CSMD1: variants seen among roughly 807,000 people sequenced by gnomAD.
CSMD1 encodes the protein CUB and Sushi multiple domains 1, also known as CUB and sushi domain-containing protein 1.
CSMD1 carries 213 observed loss-of-function variants against 417.5 expected under a neutral mutation model. That is an observed-to-expected ratio of 0.51 (90% CI 0.46 to 0.57). The LOEUF (loss-of-function observed/expected upper bound fraction) is 0.57. Ranked by LOEUF, CSMD1 falls within the 20% of genes least tolerant of loss-of-function variation. The pLI is 0.00. For missense variants in CSMD1, 6,923 were observed against 4,529.7 expected, an observed-to-expected ratio of 1.53 and a Z score of -15.17; for synonymous variants, 2,862 against 1,736.8, an observed-to-expected ratio of 1.65 and a Z score of -16.11.
In CSMD1 at chr8:3,715,606, A is replaced by T. The variant is rs897380167; in HGVS notation, c.932-7115T>A. Among the ~76,000 whole-genome samples the T allele has an allele frequency of 2.0e-5, 3 of 152,232 alleles. 1 individual carries two copies. Among genetic ancestry groups the T allele is most frequent in the Middle Eastern group, 6.8e-3 (2 of 294 alleles). ...CATCCACGCTGGAGTGCAGTGACAC[A>T]ATCTGGACTCACTGCAACCTCCACC... is the stretch of plus-strand genomic sequence containing the variant. On this transcript the variant is annotated intron_variant, in intron 6 of 69. Coordinates refer to ENST00000635120, the MANE Select transcript of CSMD1 (RefSeq NM_033225.6).
Position 4,840,099 on chromosome 8 carries a change from C to T in CSMD1, c.85+154233G>A, listed in dbSNP as rs2116770575. ...TAGGCTTGGGAAGAGCCTACCTGTC[C>T]ACTCACTTAGACTCCACGGAGGCAC... is the stretch of plus-strand genomic sequence containing the variant. On this transcript the variant is annotated intron_variant, in intron 1 of 69. Coordinates refer to ENST00000635120, the MANE Select transcript of CSMD1 (RefSeq NM_033225.6). 6.1e-5 allele frequency among the ~76,000 whole-genome samples: 3 copies of T among 49,136 alleles called. No homozygotes were observed. In the South Asian group the frequency reaches 2.5e-3, roughly 41 times the overall value. 32.2% of individuals were successfully genotyped at this position (49,136 alleles called of 152,430 possible).
chr8:3,989,658 G>C (rs1446833130), intron 5 of CSMD1, among the ~76,000 whole-genome samples: 1 of 152,140 alleles, frequency 6.6e-6, no homozygotes, highest in Non-Finnish European at 1.5e-5. Context: ...TGATGTATAT[G>C]TTTATTAAGA....
chr8:4,402,275 A>T (rs997480223), intron 3 of CSMD1, among the ~76,000 whole-genome samples: 1 of 151,922 alleles, frequency 6.6e-6, no homozygotes, highest in African/African-American at 2.4e-5. Flanking sequence ...TCCAATTATC[A>T]TTCCCCACGG....
chr8:3,845,583 A>T, intron 5 of CSMD1, among the ~76,000 whole-genome samples: 1 of 152,146 alleles, frequency 6.6e-6, no homozygotes, highest in East Asian at 1.9e-4. Flanking sequence ...AAGGCCTAGG[A>T]CATCTCAGTA....
chr8:3,461,414 C>T lies in CSMD1; in HGVS notation c.1561+7298G>A, dbSNP rs533577468. Among the ~76,000 whole-genome samples, 4 of 152,326 alleles carry T rather than the reference C, an allele frequency of 2.6e-5. No homozygotes were observed. The South Asian group carries it at 8.3e-4, about 32-fold the overall frequency. ...TCACCCTAAATCCACGGCCATAATG[C>T]TGTGTCAGTCCCCAGAGGCTGGAAT... On this transcript the variant is annotated intron_variant, in intron 12 of 69. Coordinates refer to ENST00000635120, the MANE Select transcript of CSMD1 (RefSeq NM_033225.6).
intron 57 of CSMD1, 47 bp downstream of exon 57, chr8:2,973,070 T>C (rs1294868276): frequency 6.4e-7 from 1 of 1,574,588 alleles, no homozygotes; most frequent in South Asian, 1.1e-5. Flanking sequence ...GAACGAGCTG[T>C]GTGGTTTTAA....
chr8:3,561,608 C>A (rs1007434788), intron 10 of CSMD1, among the ~76,000 whole-genome samples: 2 of 152,096 alleles, frequency 1.3e-5, no homozygotes, highest in Admixed American at 6.5e-5. Context: ...ACAACAGACA[C>A]TGGTCACTCC....
At chr8:3,845,246 T>C (rs1374029898) in intron 5 of CSMD1, among the ~76,000 whole-genome samples, 2 of 152,162 alleles carry the variant, frequency 1.3e-5, no homozygotes, top group Admixed American at 6.5e-5. Context: ...GAGAAACACA[T>C]AGTTTGCTGA....
chr8:4,140,951 C>A (rs148767633), intron 3 of CSMD1, among the ~76,000 whole-genome samples: 1 of 151,108 alleles, frequency 6.6e-6, no homozygotes, highest in Non-Finnish European at 1.5e-5. Context: ...AACAAAAAGT[C>A]CTCGTATCTC....
rs137979783 is a variant in CSMD1 at position 4,202,778 on chromosome 8, G to C, written c.416-170679C>G. ...GAGAAAATGATAGTGATAGAACAGA[G>C]AATAAAACTGAGGATTCAAACGTCA... On this transcript the variant is annotated intron_variant, in intron 3 of 69. Coordinates refer to ENST00000635120, the MANE Select transcript of CSMD1 (RefSeq NM_033225.6). 4.3e-4 allele frequency among the ~76,000 whole-genome samples: 65 copies of C among 152,280 alleles called. No homozygotes were observed. The East Asian group carries it at 6.8e-3, about 16-fold the overall frequency.
chr8:4,503,151 G>T (rs978142294), intron 2 of CSMD1, among the ~76,000 whole-genome samples: 48 of 152,274 alleles, frequency 3.2e-4, no homozygotes, highest in African/African-American at 9.1e-4. Context: ...TACGTGAAGT[G>T]TGCTTTTAAT....
intron 5 of CSMD1, among the ~76,000 whole-genome samples, chr8:3,920,857 T>C (rs890636525): frequency 6.6e-6 from 1 of 152,202 alleles, no homozygotes; most frequent in African/African-American, 2.4e-5. Context: ...TTTAATGTGC[T>C]ATTGAATTCA....
rs978101544 is a variant in CSMD1, at chr8:3,288,422, C to G, written c.3951-4076G>C. The stretch of plus-strand genomic sequence containing the variant: ...TGGTAGAATTCGGCTGTGAATCCAT[C>G]TGGTCCTGGACTTTTTTTGGTTGGT... On this transcript the variant is annotated intron_variant, in intron 25 of 69. Transcript: ENST00000635120. Among the ~76,000 whole-genome samples, 4 of 147,124 alleles carry G rather than the reference C, an allele frequency of 2.7e-5. 1 individual carries two copies. The highest frequency in any genetic ancestry group is 8.1e-5 in the African/African-American group (3 of 36,892).
intron 3 of CSMD1, among the ~76,000 whole-genome samples, chr8:4,146,540 C>T (rs1250362760): frequency 7.0e-6 from 1 of 142,820 alleles, no homozygotes; most frequent in African/African-American, 2.6e-5. Flanking sequence ...TAAAACACCA[C>T]AACTCCAGGG....
At chr8:4,607,582 A>T (rs1800944580) in intron 2 of CSMD1, among the ~76,000 whole-genome samples, 2 of 152,190 alleles carry the variant, frequency 1.3e-5, no homozygotes, top group Non-Finnish European at 2.9e-5. Flanking sequence ...GCTCATTAGC[A>T]TCCTAAACTC....
intron 26 of CSMD1, among the ~76,000 whole-genome samples, chr8:3,238,020 A>G (rs145147818): frequency 0.071 from 10,729 of 151,710 alleles, 486 homozygotes; most frequent in East Asian, 0.23. Context: ...AGAGACCACC[A>G]AACAGGCTTT....
intron 26 of CSMD1, among the ~76,000 whole-genome samples, chr8:3,242,850 G>A (rs953247717): frequency 5.9e-5 from 9 of 151,668 alleles, no homozygotes; most frequent in South Asian, 2.1e-4. Context: ...AGGTCAGGGC[G>A]CAGAAATAAG....
At chr8:4,746,000 A>T (rs7006002) in intron 1 of CSMD1, among the ~76,000 whole-genome samples, 52,117 of 152,140 alleles carry the variant, frequency 0.34, 9,761 homozygotes, top group Admixed American at 0.47. Context: ...ATGGTTTAGA[A>T]AAAGAAAATC....
chr8:3,424,946 G>C (rs1026444796), intron 12 of CSMD1, among the ~76,000 whole-genome samples: 1 of 152,034 alleles, frequency 6.6e-6, no homozygotes, highest in Non-Finnish European at 1.5e-5. Flanking sequence ...GTGATCTTTC[G>C]ACCTCAGCCC....
Sources: allele counts gnomAD v4.1 joint callset (sites outside exome capture counted in the v4.1 genomes callset), GRCh38; gene constraint gnomAD v4.1.1; transcripts MANE v1.5; gene names NCBI Gene and HGNC (gene_info 2026-07-23, HGNC 2026-07-21).